Variants in GALNT1 observed in about 807,000 individuals in gnomAD.
GALNT1 encodes polypeptide N-acetylgalactosaminyltransferase 1, also known as GalNAc transferase 1.
In GALNT1, 17 loss-of-function variants were observed where a neutral mutation model predicts 65.7. The observed-to-expected ratio is 0.26, with a 90% CI of 0.18 to 0.39. The LOEUF is 0.39. Among genes scored for constraint, GALNT1 ranks in the 10% least tolerant of loss-of-function variants. GALNT1 has a pLI of 1.00. For synonymous variants in GALNT1, 210 were observed against 219.7 expected, an observed-to-expected ratio of 0.96 and a Z score of 0.39; for missense variants, 460 against 672.8, an observed-to-expected ratio of 0.68 and a Z score of 3.50.
intron 1 of GALNT1, among the ~76,000 whole-genome samples, chr18:35,606,625 C>T (rs2046650814): frequency 6.6e-6 from 1 of 152,156 alleles, no homozygotes; most frequent in Non-Finnish European, 1.5e-5. Flanking sequence ...GTGATACAGT[C>T]AGCATATCAG....
chr18:35,652,145 A>G (rs1419720635), intron 1 of GALNT1, among the ~76,000 whole-genome samples: 2 of 152,192 alleles, frequency 1.3e-5, no homozygotes, highest in Admixed American at 1.3e-4. Context: ...ATCTCAAAGA[A>G]GACATTTTCT....
chr18:35,597,202 T>C (rs1265676359), intron 1 of GALNT1: 1 of 152,268 alleles, frequency 6.6e-6, no homozygotes, highest in East Asian at 1.9e-4. Context: ...AAGCATCTAG[T>C]TGGTGAAACC....
At chr18:35,635,301 C>G (rs2047074403) in intron 1 of GALNT1, among the ~76,000 whole-genome samples, 1 of 152,166 alleles carries the variant, frequency 6.6e-6, no homozygotes, top group Admixed American at 6.5e-5. Flanking sequence ...GGGAGCTAGT[C>G]ACATAAGCAC....
intron 1 of GALNT1, among the ~76,000 whole-genome samples, chr18:35,647,832 A>G (rs1028214004): frequency 6.6e-6 from 1 of 152,098 alleles, no homozygotes; most frequent in African/African-American, 2.4e-5. Context: ...GGAGAAAATC[A>G]TTTGGCCGTA....
intron 2 of GALNT1, among the ~76,000 whole-genome samples, chr18:35,660,883 ATAATTT>A (rs2047468904): frequency 6.6e-6 from 1 of 152,204 alleles, no homozygotes; most frequent in Admixed American, 6.5e-5. Flanking sequence ...TTGATTAATG[ATAATTT>A]TAAATGTGGC....
chr18:35,699,035 C>G lies in GALNT1; in HGVS notation c.1300-3862C>G, dbSNP rs28707683. Among the ~76,000 whole-genome samples, 1,423 of 152,156 alleles carry G rather than the reference C, an allele frequency of 9.4e-3. 22 individuals carry two copies. Among genetic ancestry groups the G allele is most frequent in the African/African-American group, 0.033 (1,357 of 41,522 alleles). ...CCAACACAGGAGGTTACCCATCTGT[C>G]TCTGTATCATGTACTGCTACCCTGT... On this transcript the variant is annotated intron_variant, in intron 9 of 11. Coordinates refer to ENST00000269195, the MANE Select transcript of GALNT1 (RefSeq NM_020474.4).
chr18:35,586,017 C>T (rs1322246756), intron 1 of GALNT1, among the ~76,000 whole-genome samples: 1 of 152,058 alleles, frequency 6.6e-6, no homozygotes, highest in East Asian at 1.9e-4. Context: ...GTGGCAGTTG[C>T]ATGTTTAGTT....
chr18:35,674,564 C>A (rs1368055717), intron 3 of GALNT1, among the ~76,000 whole-genome samples: 1 of 152,188 alleles, frequency 6.6e-6, no homozygotes, highest in East Asian at 1.9e-4. Flanking sequence ...ATGCCTCATG[C>A]ATACTGCAAA....
chr18:35,627,937 G>A (rs537503009), intron 1 of GALNT1, among the ~76,000 whole-genome samples: 6 of 147,780 alleles, frequency 4.1e-5, no homozygotes, highest in African/African-American at 9.7e-5. Context: ...TGCCTGGCTC[G>A]GAGGGTCCTA....
chr18:35,654,559 G>A lies in GALNT1; in HGVS notation c.-103-1G>A. The A allele has an allele frequency of 2.0e-6, 1 of 489,504 alleles. No homozygotes were observed. The highest frequency in any genetic ancestry group is 3.1e-6 in the Non-Finnish European group (1 of 327,314). The allele number at this position is 489,504 out of a possible 1,614,324, so 30.3% of individuals were successfully genotyped here. ...ATCTTTTTTCCTTTCTTTCTCTATA[G>A]GGTATGAACGTGATTTCTGATGAAA... On this transcript the variant is annotated splice_acceptor_variant, in intron 1 of 11. Coordinates refer to ENST00000269195, the MANE Select transcript of GALNT1 (RefSeq NM_020474.4). LOFTEE classifies it low-confidence loss of function (5UTR_SPLICE).
chr18:35,605,091 A>G (rs900918347), intron 1 of GALNT1, among the ~76,000 whole-genome samples: 1 of 152,230 alleles, frequency 6.6e-6, no homozygotes, highest in African/African-American at 2.4e-5. Flanking sequence ...AGGATTTTGC[A>G]GAACAGGTGT....
At chr18:35,597,429 T>C (rs2143919649) in intron 1 of GALNT1, 1 of 152,344 alleles carries the variant, frequency 6.6e-6, no homozygotes, top group East Asian at 1.9e-4. Context: ...TCCAGACCCC[T>C]TGTCAACATT....
intron 1 of GALNT1, among the ~76,000 whole-genome samples, chr18:35,637,868 T>A (rs2047111420): frequency 6.6e-6 from 1 of 152,230 alleles, no homozygotes; most frequent in South Asian, 2.1e-4. Context: ...CAATGTTCAG[T>A]TACCATTCTG....
chr18:35,705,684 T>A (rs145145610), intron 11 of GALNT1, among the ~76,000 whole-genome samples: 1 of 152,314 alleles, frequency 6.6e-6, no homozygotes, highest in East Asian at 1.9e-4. Flanking sequence ...AAAAACCTCT[T>A]AAGTTTATTG....
intron 1 of GALNT1, among the ~76,000 whole-genome samples, chr18:35,599,018 G>C (rs1275536305): frequency 7.3e-6 from 1 of 136,442 alleles, no homozygotes; most frequent in Non-Finnish European, 1.6e-5. Context: ...TCATGTACGT[G>C]TTGGCTATTT....
At chr18:35,698,961 G>A (rs763192552) in intron 9 of GALNT1, among the ~76,000 whole-genome samples, 9 of 152,166 alleles carry the variant, frequency 5.9e-5, no homozygotes, top group Non-Finnish European at 7.4e-5. Flanking sequence ...CAGCCTGGGC[G>A]ACAGAGTGAG....
chr18:35,632,660 A>C (rs1050154128), intron 1 of GALNT1, among the ~76,000 whole-genome samples: 23 of 152,234 alleles, frequency 1.5e-4, no homozygotes, highest in African/African-American at 4.8e-4. Flanking sequence ...CATGTCTAAA[A>C]CACCAAAAGC....
intron 1 of GALNT1, among the ~76,000 whole-genome samples, chr18:35,616,408 G>A (rs536163344): frequency 6.6e-6 from 1 of 152,290 alleles, no homozygotes; most frequent in South Asian, 2.1e-4. Context: ...CCATCAAAGT[G>A]CTCAGCACAC....
chr18:35,605,274 C>T (rs1211045456), intron 1 of GALNT1, among the ~76,000 whole-genome samples: 1 of 151,874 alleles, frequency 6.6e-6, no homozygotes, highest in Admixed American at 6.6e-5. Context: ...CTTGGGAGGC[C>T]GAGACAGGTG....
Sources: allele counts gnomAD v4.1 joint callset (sites outside exome capture counted in the v4.1 genomes callset), GRCh38; gene constraint gnomAD v4.1.1; transcripts MANE v1.5; gene names NCBI Gene and HGNC (gene_info 2026-07-23, HGNC 2026-07-21).